The following SMU1 variants were observed in gnomAD, a reference collection of about 807,000 sequenced individuals.
The protein encoded by SMU1 is WD40 repeat-containing protein SMU1.
In SMU1, 2 loss-of-function variants were observed where a neutral mutation model predicts 62.0. That is an observed-to-expected ratio of 0.03 (90% CI 0.01 to 0.10). The LOEUF is 0.10. Among genes scored for constraint, SMU1 ranks in the 10% least tolerant of loss-of-function variants. SMU1 has a pLI of 1.00. For synonymous variants in SMU1, 188 were observed against 212.4 expected, an observed-to-expected ratio of 0.89 and a Z score of 1.00; for missense variants, 227 against 622.1, an observed-to-expected ratio of 0.36 and a Z score of 6.76.
chr9:33,075,249 C>T (rs1839533179), intron 1 of SMU1, among the ~76,000 whole-genome samples: 2 of 152,038 alleles, frequency 1.3e-5, no homozygotes, highest in African/African-American at 2.4e-5. Context: ...TGGTGGTGGG[C>T]GCCTGTAGTC....
intron 1 of SMU1, among the ~76,000 whole-genome samples, chr9:33,074,302 A>T (rs947170286): frequency 5.9e-5 from 9 of 151,586 alleles, no homozygotes; most frequent in Non-Finnish European, 1.2e-4. Flanking sequence ...ATCTCTACAA[A>T]TTTTTTTTTA....
In SMU1 at chr9:33,053,203, T is replaced by C; in HGVS notation, c.1210A>G (p.Ile404Val). ...AGTDITVNSVILLPKNPEHFV... is the reference protein window; with the variant it reads ...AGTDITVNSVVLLPKNPEHFV... ...TGCTCAGGGTTTTTAGGAAGTAGAA[T>C]CACACTGTTGACGGTAATATCTGTC... Residue 404 changes from isoleucine (I) to valine (V), a missense_variant, in exon 10 of 12, where the codon ATT (isoleucine) becomes GTT (valine). Transcript: ENST00000397149. 2 of 1,612,416 alleles carry C rather than the reference T, an allele frequency of 1.2e-6. No individual in the cohort carries two copies. Among genetic ancestry groups the C allele is most frequent in the Non-Finnish European group, 1.7e-6 (2 of 1,180,008 alleles).
At chr9:33,071,649 AT>A (rs1839488277) in intron 3 of SMU1, 90 bp downstream of exon 3, 3 of 1,270,012 alleles carry the variant, frequency 2.4e-6, no homozygotes, top group Non-Finnish European at 3.3e-6. Context: ...CACAAAGAGT[AT>A]ACAATAAAAT....
chr9:33,056,006 A>G, intron 9 of SMU1, 107 bp downstream of exon 9: 2 of 1,132,240 alleles, frequency 1.8e-6, no homozygotes, highest in South Asian at 4.0e-5. Context: ...AATAGCCAGG[A>G]AAGAGGTTTA....
rs1176919093 is a variant in SMU1, at chr9:33,047,047, G to C, written c.*246C>G. 2.8e-6 allele frequency: 1 copy of C among 354,668 alleles called. No individual in the cohort carries two copies. Among genetic ancestry groups the C allele is most frequent in the East Asian group, 5.5e-5 (1 of 18,174 alleles). The allele number at this position is 354,668 out of a possible 1,614,324, so 22.0% of individuals were successfully genotyped here. A position where few individuals can be genotyped will look rare whatever the true frequency, so the allele number is the denominator to read the frequency against. On this transcript the variant is annotated 3_prime_UTR_variant, in exon 12 of 12. Coordinates refer to ENST00000397149, the MANE Select transcript of SMU1 (RefSeq NM_018225.3). The stretch of plus-strand genomic sequence containing the variant: ...AGAAATATCAGTATTTCACTCTCCA[G>C]GTCGAAGATTAATGAAAACATTAAG...
At chr9:33,069,170 T>A (rs957597357) in intron 3 of SMU1, among the ~76,000 whole-genome samples, 1 of 152,184 alleles carries the variant, frequency 6.6e-6, no homozygotes, top group African/African-American at 2.4e-5. Flanking sequence ...TCCACACTAT[T>A]ATTATTTTTT....
intron 10 of SMU1, among the ~76,000 whole-genome samples, chr9:33,050,642 A>G (rs1839233633): frequency 6.6e-6 from 1 of 151,430 alleles, no homozygotes; most frequent in South Asian, 2.1e-4. Context: ...CCTGGCCAAG[A>G]TGGTGCAACC....
chr9:33,073,970 CT>C (rs1195097986), intron 1 of SMU1, 164 bp from the exon 2 acceptor site: 16 of 190,832 alleles, frequency 8.4e-5, no homozygotes, highest in Admixed American at 5.9e-4. Flanking sequence ...GGGACCCCCC[CT>C]AACCATAGAG....
At chr9:33,048,785 A>G (rs1839213275) in intron 10 of SMU1, among the ~76,000 whole-genome samples, 2 of 152,220 alleles carry the variant, frequency 1.3e-5, no homozygotes, top group African/African-American at 4.8e-5. Context: ...CCATTTTCAA[A>G]ATGACAAAAT....
chr9:33,063,618 T>C (rs1839387625), intron 4 of SMU1, among the ~76,000 whole-genome samples: 1 of 151,884 alleles, frequency 6.6e-6, no homozygotes. Flanking sequence ...AGCAAGAGCA[T>C]TACAGTCTGA....
intron 5 of SMU1, 72 bp downstream of exon 5, chr9:33,061,977 C>A: frequency 6.6e-7 from 1 of 1,523,936 alleles, no homozygotes; most frequent in Non-Finnish European, 9.0e-7. Context: ...GCCCCTGGCA[C>A]AGGGCCTGGC....
intron 4 of SMU1, among the ~76,000 whole-genome samples, chr9:33,065,344 C>T (rs1839408019): frequency 6.6e-6 from 1 of 152,082 alleles, no homozygotes; most frequent in Non-Finnish European, 1.5e-5. Context: ...AAACCTAGAA[C>T]CAAAACCTCA....
chr9:33,062,208 GT>G, intron 4 of SMU1, 31 bp from the exon 5 acceptor site: 1 of 1,597,508 alleles, frequency 6.3e-7, no homozygotes, highest in Non-Finnish European at 8.5e-7. Context: ...ATAGCAATCT[GT>G]TCAGGTGCTT....
At chr9:33,061,992 C>T (rs1839367038) in intron 5 of SMU1, 57 bp downstream of exon 5, 1 of 1,576,494 alleles carries the variant, frequency 6.3e-7, no homozygotes. Context: ...CCTGGCTGAG[C>T]CCATGACAAG....
rs77138815 is a variant in SMU1, at chr9:33,045,041, T to G, written c.*2252A>C. 6.6e-6 allele frequency: 1 copy of G among 152,200 alleles called. No individual in the cohort carries two copies. The highest frequency in any genetic ancestry group is 1.5e-5 in the Non-Finnish European group (1 of 68,038). 9.4% of individuals were successfully genotyped at this position (152,200 alleles called of 1,614,324 possible). On this transcript the variant is annotated 3_prime_UTR_variant, in exon 12 of 12. Coordinates refer to ENST00000397149, the MANE Select transcript of SMU1 (RefSeq NM_018225.3). Reference sequence around the variant, plus strand: ...CCCTATGTTTAGGCAGAAACGAGTCTTTTTTTAACCATATTCATCACCTGG... The same window carrying G: ...CCCTATGTTTAGGCAGAAACGAGTCGTTTTTTAACCATATTCATCACCTGG...
intron 3 of SMU1, among the ~76,000 whole-genome samples, chr9:33,070,031 A>T (rs971017039): frequency 1.3e-5 from 2 of 152,046 alleles, no homozygotes; most frequent in Non-Finnish European, 2.9e-5. Context: ...TGGCTGAGGC[A>T]CGAGAATTAC....
intron 7 of SMU1, 163 bp from the exon 8 acceptor site, chr9:33,057,127 G>T: frequency 3.9e-6 from 1 of 258,400 alleles, no homozygotes; most frequent in Non-Finnish European, 6.0e-6. Context: ...TAGTACAATG[G>T]TAACTGAATC....
At chr9:33,076,406 G>A (rs921054790) in intron 1 of SMU1, among the ~76,000 whole-genome samples, 177 bp downstream of exon 1, 1 of 152,154 alleles carries the variant, frequency 6.6e-6, no homozygotes, top group Non-Finnish European at 1.5e-5. Flanking sequence ...TCTGAGAGCT[G>A]CTACTTTCCT....
Position 33,047,177 on chromosome 9 carries a change from C to CT in SMU1, c.*115dup. On this transcript the variant is annotated 3_prime_UTR_variant, in exon 12 of 12. Transcript: ENST00000397149. Reference sequence around the variant, plus strand: ...GAATTTTCACAAAATTATTCTGTGACTAATTCAGACAATCTATTTGCTTAG... The same window carrying CT: ...GAATTTTCACAAAATTATTCTGTGACTTAATTCAGACAATCTATTTGCTTAG... 1.6e-6 allele frequency: 1 copy of CT among 615,674 alleles called. No individual in the cohort carries two copies. Among genetic ancestry groups the CT allele is most frequent in the Non-Finnish European group, 2.8e-6 (1 of 357,890 alleles). 38.1% of individuals were successfully genotyped at this position (615,674 alleles called of 1,614,324 possible).
Sources: allele counts gnomAD v4.1 joint callset (sites outside exome capture counted in the v4.1 genomes callset), GRCh38; gene constraint gnomAD v4.1.1; transcripts MANE v1.5; gene names NCBI Gene and HGNC (gene_info 2026-07-23, HGNC 2026-07-21).